CATSPER3: variants seen among roughly 807,000 people sequenced by gnomAD.
CATSPER3 encodes cation channel sperm associated 3.
A neutral mutation model predicts 36.6 loss-of-function variants in CATSPER3; 23 were observed. That is an observed-to-expected ratio of 0.63 (90% confidence interval 0.45 to 0.89). The LOEUF (loss-of-function observed/expected upper bound fraction) is 0.89. CATSPER3 is among the 40% of genes least tolerant of loss of function. The pLI, the probability that CATSPER3 is intolerant of heterozygous loss-of-function variation, is 0.00. For synonymous variants in CATSPER3, 172 were observed against 184.1 expected (o/e 0.93, Z 0.53); for missense variants, 474 against 503.9 (o/e 0.94, Z 0.57).
At chr5:135,002,322 C>A (rs979803901) in intron 3 of CATSPER3, among the ~76,000 whole-genome samples, 1 of 152,120 alleles carries the variant, frequency 6.6e-6, no homozygotes, top group Non-Finnish European at 1.5e-5. Flanking sequence ...GAATTTCTGC[C>A]GAGAGATCAG....
chr5:134,967,929 T>C lies in CATSPER3; in HGVS notation c.-63T>C, dbSNP rs1292524040. On this transcript the variant is annotated 5_prime_UTR_variant, in exon 1 of 8. Coordinates refer to ENST00000282611, the MANE Select transcript of CATSPER3 (RefSeq NM_178019.3). Reference sequence around the variant, plus strand: ...CTCAGAATCCAGACGCTAAGGAAAATCCCTAAGCAGAGATTTTCTGTTGGA... The same window carrying C: ...CTCAGAATCCAGACGCTAAGGAAAACCCCTAAGCAGAGATTTTCTGTTGGA... 3 of 1,269,088 alleles carry C rather than the reference T, an allele frequency of 2.4e-6. No homozygotes were observed. The Admixed American group carries it at 5.1e-5, about 21-fold the overall frequency. 78.6% of individuals were successfully genotyped at this position (1,269,088 alleles called of 1,614,324 possible).
At chr5:134,979,458 AT>A (rs1427532923) in intron 2 of CATSPER3, among the ~76,000 whole-genome samples, 1 of 152,188 alleles carries the variant, frequency 6.6e-6, no homozygotes, top group Non-Finnish European at 1.5e-5. Flanking sequence ...GTATTGGTCC[AT>A]TTTGACCTGA....
At chr5:134,993,041 G>A (rs1160954154) in intron 2 of CATSPER3, among the ~76,000 whole-genome samples, 1 of 152,154 alleles carries the variant, frequency 6.6e-6, no homozygotes, top group African/African-American at 2.4e-5. Flanking sequence ...ACAAAATATG[G>A]TAGATGCATA....
At position 135,003,024 on chromosome 5, in the gene CATSPER3, G is replaced by T. The variant is rs763995696; in HGVS notation, c.493-4933G>T. On this transcript the variant is annotated intron_variant, in intron 3 of 7. Coordinates refer to ENST00000282611, the MANE Select transcript of CATSPER3 (RefSeq NM_178019.3). ...GCTGCGTTCCTTTGGAGGGGGACAG[G>T]TGCTCTGATTTTTAGAATTTTCAGT... Among the ~76,000 whole-genome samples, 11 of 152,318 alleles carry T rather than the reference G, an allele frequency of 7.2e-5. 1 individual carries two copies. In the Middle Eastern group the frequency reaches 0.02, roughly 283 times the overall value.
chr5:134,984,122 A>G (rs971917020), intron 2 of CATSPER3, among the ~76,000 whole-genome samples: 1 of 152,210 alleles, frequency 6.6e-6, no homozygotes, highest in African/African-American at 2.4e-5. Context: ...CTCTCACCAT[A>G]TACAAAAATT....
chr5:134,987,887 A>G (rs1425438941), intron 2 of CATSPER3, among the ~76,000 whole-genome samples: 1 of 152,238 alleles, frequency 6.6e-6, no homozygotes, highest in African/African-American at 2.4e-5. Context: ...AAAATTAGGA[A>G]CAAGACTAAT....
intron 2 of CATSPER3, among the ~76,000 whole-genome samples, chr5:134,988,650 C>T (rs1441300862): frequency 6.6e-6 from 1 of 152,218 alleles, no homozygotes; most frequent in Non-Finnish European, 1.5e-5. Context: ...AGTTTAGTCA[C>T]ATCTTCAAGC....
intron 5 of CATSPER3, among the ~76,000 whole-genome samples, 163 bp downstream of exon 5, chr5:135,009,144 C>T (rs770413083): frequency 6.6e-6 from 1 of 152,194 alleles, no homozygotes; most frequent in Non-Finnish European, 1.5e-5. Context: ...CAACTCTCCT[C>T]CCTGAGCCAG....
chr5:135,000,486 G>C (rs1479919290), intron 3 of CATSPER3, among the ~76,000 whole-genome samples: 2 of 152,202 alleles, frequency 1.3e-5, no homozygotes, highest in Non-Finnish European at 1.5e-5. Context: ...AATAGTTTCA[G>C]AAGGAATGGT....
At chr5:134,995,046 A>T (rs764773925) in intron 2 of CATSPER3, among the ~76,000 whole-genome samples, 16 of 147,666 alleles carry the variant, frequency 1.1e-4, no homozygotes, top group Non-Finnish European at 1.9e-4. Flanking sequence ...CTTCCTTCCA[A>T]TACATATTAG....
At chr5:134,996,154 G>A (rs566685847) in intron 2 of CATSPER3, 119 bp from the exon 3 acceptor site, 17 of 1,277,020 alleles carry the variant, frequency 1.3e-5, no homozygotes, top group Non-Finnish European at 1.9e-5. Flanking sequence ...CTCTGCCTGG[G>A]TTTCTCTCTC....
At chr5:134,969,150 C>G (rs1203878382) in intron 1 of CATSPER3, 1 of 152,160 alleles carries the variant, frequency 6.6e-6, no homozygotes, top group Non-Finnish European at 1.5e-5. Flanking sequence ...TGTTTTCAAG[C>G]TTCTCAGTGC....
intron 2 of CATSPER3, among the ~76,000 whole-genome samples, chr5:134,971,172 A>G (rs1751601408): frequency 6.6e-6 from 1 of 152,082 alleles, no homozygotes. Flanking sequence ...GATGGTCTCA[A>G]TCTCCTGACC....
chr5:134,982,166 G>GA (rs1228612605), intron 2 of CATSPER3, among the ~76,000 whole-genome samples: 2 of 151,966 alleles, frequency 1.3e-5, no homozygotes, highest in Non-Finnish European at 2.9e-5. Flanking sequence ...GAAGCAGAAA[G>GA]AAAAAATGAT....
chr5:134,990,564 T>C (rs759640969), intron 2 of CATSPER3, among the ~76,000 whole-genome samples: 32 of 152,182 alleles, frequency 2.1e-4, no homozygotes, highest in Non-Finnish European at 4.4e-4. Context: ...CCTTTCACAA[T>C]AGTAACATCA....
Position 135,011,689 on chromosome 5 carries a change from C to T in CATSPER3, c.*66C>T, listed in dbSNP as rs1031265676. 4.6e-6 allele frequency: 5 copies of T among 1,097,446 alleles called. No homozygotes were observed. Among genetic ancestry groups the T allele is most frequent in the African/African-American group, 1.6e-5 (1 of 64,342 alleles). 68.0% of individuals were successfully genotyped at this position (1,097,446 alleles called of 1,614,324 possible). A position where few individuals can be genotyped will look rare whatever the true frequency, so the allele number is the denominator to read the frequency against. Reference sequence around the variant, plus strand: ...ATGACAGGTCCCTATTAAACACAGGCTTTCTGAGTTGTCCTCTCCAGAGTT... The same window carrying T: ...ATGACAGGTCCCTATTAAACACAGGTTTTCTGAGTTGTCCTCTCCAGAGTT... On this transcript the variant is annotated 3_prime_UTR_variant, in exon 8 of 8. Coordinates refer to ENST00000282611, the MANE Select transcript of CATSPER3 (RefSeq NM_178019.3).
At chr5:134,970,214 GGC>G in intron 2 of CATSPER3, 122 bp downstream of exon 2, 10 of 954,490 alleles carry the variant, frequency 1.0e-5, no homozygotes, top group Non-Finnish European at 1.6e-5. Context: ...GGAGTGCAGT[GGC>G]GTGATCTCAG....
rs775674797 is a variant in CATSPER3 at position 135,009,385 on chromosome 5, G to A, written c.831G>A (p.Lys277=). The A allele has an allele frequency of 3.1e-6, 5 of 1,613,606 alleles. No individual in the cohort carries two copies. The highest frequency in any genetic ancestry group is 1.1e-5 in the South Asian group (1 of 91,084). The change falls in exon 6 of 8, where the codon AAG becomes AAA. Residue 277 remains lysine (K), a synonymous_variant. Transcript: ENST00000282611. ...MIMHTEDSIR[K]FERELMLEQQ... is the part of the protein sequence containing the mutation. ...TGACTCTCTAGGACTCCATCAGAAA[G>A]TTTGAGCGAGAGCTGATGTTGGAGC...
chr5:134,970,188 C>T (rs1751585822), intron 2 of CATSPER3, 96 bp downstream of exon 2: 6 of 1,212,886 alleles, frequency 4.9e-6, no homozygotes, highest in Non-Finnish European at 7.2e-6. Context: ...GAGACAGAAT[C>T]TCACTCTGTC....
Sources: allele counts gnomAD v4.1 joint callset (sites outside exome capture counted in the v4.1 genomes callset), GRCh38; gene constraint gnomAD v4.1.1; transcripts MANE v1.5; gene names NCBI Gene and HGNC (gene_info 2026-07-23, HGNC 2026-07-21).